MATN2: variants seen among roughly 807,000 people sequenced by gnomAD.
MATN2 encodes matrilin-2.
MATN2 carries 69 observed loss-of-function variants against 103.2 expected under a neutral mutation model. The ratio of observed to expected loss-of-function variants is 0.67; its 90% CI spans 0.55 to 0.82. The LOEUF (loss-of-function observed/expected upper bound fraction) is 0.82, where lower values mean the gene tolerates loss of function less well. MATN2 is among the 40% of genes least tolerant of loss of function. The pLI, the probability that MATN2 is intolerant of heterozygous loss-of-function variation, is 0.00. For synonymous variants in MATN2, 429 were observed against 450.2 expected (o/e 0.95, Z 0.60); for missense variants, 1,023 against 1,211.5 (o/e 0.84, Z 2.31).
chr8:97,939,292 C>T (rs746221287), intron 3 of MATN2, among the ~76,000 whole-genome samples: 9 of 152,202 alleles, frequency 5.9e-5, no homozygotes, highest in Non-Finnish European at 1.2e-4. Flanking sequence ...AGGCACATCG[C>T]AGCCTTTCTG....
chr8:98,033,206 T>C lies in MATN2; in HGVS notation c.2716+30T>C, dbSNP rs769536348. 5.1e-6 allele frequency: 8 copies of C among 1,562,438 alleles called. No homozygotes were observed. In the Admixed American group the frequency reaches 7.8e-5, roughly 15 times the overall value. ...TTCCAAGTAAAATATTACTATAAGA[T>C]AACTTGATCTCAGCCTTTCGGCTTG... On this transcript the variant is annotated intron_variant, in intron 17 of 18. Coordinates refer to ENST00000254898, the MANE Select transcript of MATN2 (RefSeq NM_002380.5).
intron 2 of MATN2, among the ~76,000 whole-genome samples, chr8:97,895,018 G>T (rs978185404): frequency 6.6e-6 from 1 of 151,966 alleles, no homozygotes; most frequent in Non-Finnish European, 1.5e-5. Context: ...GATTGCAGGC[G>T]CCCGCCACCA....
rs765855052 is a variant in MATN2, at chr8:97,978,872, T to C, written c.959-14T>C. On this transcript the variant is annotated splice_polypyrimidine_tract_variant and intron_variant, in intron 5 of 18. Coordinates refer to ENST00000254898, the MANE Select transcript of MATN2 (RefSeq NM_002380.5). ...TTTGCATTTCTAATTCTGAATGTGT[T>C]TTATTCTCTCCAGCTGTGGACTACT... 5.1e-5 allele frequency: 83 copies of C among 1,613,718 alleles called. No individual in the cohort carries two copies. Among genetic ancestry groups the C allele is most frequent in the Non-Finnish European group, 4.2e-6 (5 of 1,179,760 alleles).
intron 12 of MATN2, among the ~76,000 whole-genome samples, chr8:98,019,645 T>C (rs942952184): frequency 5.9e-5 from 9 of 152,316 alleles, no homozygotes; most frequent in Middle Eastern, 3.4e-3. Flanking sequence ...AGGGATGTCA[T>C]ACGAGCTCAG....
At chr8:97,919,428 C>T (rs768858851) in intron 2 of MATN2, among the ~76,000 whole-genome samples, 116 of 152,272 alleles carry the variant, frequency 7.6e-4, no homozygotes, top group Middle Eastern at 6.8e-3. Context: ...GGCAGGGTTT[C>T]ACTATGTTGG....
intron 10 of MATN2, among the ~76,000 whole-genome samples, chr8:98,015,032 C>T (rs1813311856): frequency 6.6e-6 from 1 of 152,210 alleles, no homozygotes; most frequent in African/African-American, 2.4e-5. Flanking sequence ...CTGGTTTTCA[C>T]AGGTTCACAA....
chr8:98,008,694 G>T (rs72678728), intron 10 of MATN2, among the ~76,000 whole-genome samples: 1 of 152,130 alleles, frequency 6.6e-6, no homozygotes, highest in Admixed American at 6.5e-5. Context: ...GGCACAGGGG[G>T]TGCAGAAAGA....
chr8:97,919,451 C>T (rs183637036), intron 2 of MATN2, among the ~76,000 whole-genome samples: 122 of 152,216 alleles, frequency 8.0e-4, no homozygotes, highest in Admixed American at 2.1e-3. Flanking sequence ...AGGCTGGTCT[C>T]GAACTCTTGA....
intron 10 of MATN2, among the ~76,000 whole-genome samples, chr8:98,015,873 A>G (rs545172291): frequency 8.5e-5 from 13 of 152,296 alleles, no homozygotes; most frequent in African/African-American, 3.1e-4. Context: ...GACTCACAAA[A>G]TATTTGTGAA....
chr8:98,025,773 AT>A (rs1813773581), intron 13 of MATN2: 1 of 442,160 alleles, frequency 2.3e-6, no homozygotes, highest in African/African-American at 2.0e-5. Context: ...GAGATAATCC[AT>A]TTTGGATCTG....
At chr8:97,990,666 A>G (rs972047675) in intron 6 of MATN2, among the ~76,000 whole-genome samples, 1 of 152,270 alleles carries the variant, frequency 6.6e-6, no homozygotes, top group African/African-American at 2.4e-5. Context: ...TGACACACAT[A>G]TGAATCTGGA....
intron 15 of MATN2, among the ~76,000 whole-genome samples, chr8:98,030,851 TGA>T (rs2130454348): frequency 6.6e-6 from 1 of 152,058 alleles, no homozygotes; most frequent in African/African-American, 2.4e-5. Context: ...TTAGTAGAGA[TGA>T]GGTTTCACCA....
chr8:98,019,706 A>G (rs547311075), intron 12 of MATN2, among the ~76,000 whole-genome samples: 5 of 152,264 alleles, frequency 3.3e-5, no homozygotes, highest in African/African-American at 1.2e-4. Flanking sequence ...CCACCATGAG[A>G]TTCTGAGCTG....
intron 2 of MATN2, among the ~76,000 whole-genome samples, chr8:97,889,457 G>GTGTATATATATATATATATATA (rs1164752239): frequency 6.4e-5 from 1 of 15,680 alleles, no homozygotes; most frequent in African/African-American, 2.2e-4. Flanking sequence ...CTCTCTCTCT[G>GTGTATATATATATATATATATA]TCTATATATA....
intron 7 of MATN2, 150 bp from the exon 8 acceptor site, chr8:98,003,511 G>A: frequency 1.3e-6 from 1 of 772,490 alleles, no homozygotes; most frequent in Non-Finnish European, 2.1e-6. Context: ...TTGGCTGGCA[G>A]ACAAACGAAT....
intron 4 of MATN2, among the ~76,000 whole-genome samples, chr8:97,949,733 C>T (rs775716299): frequency 1.3e-5 from 2 of 152,058 alleles, no homozygotes; most frequent in African/African-American, 2.4e-5. Flanking sequence ...TTGTAATAGC[C>T]CCAAACTGAA....
chr8:98,024,283 T>C lies in MATN2; in HGVS notation c.1942+2956T>C, dbSNP rs1482032492. On this transcript the variant is annotated intron_variant, in intron 13 of 18. Coordinates refer to ENST00000254898, the MANE Select transcript of MATN2 (RefSeq NM_002380.5). Reference sequence around the variant, plus strand: ...ACCTTGAGAGGCCGAAGCGGGCGGATCACCTGAGGTCAGGAGTTCAAGACC... The same window carrying C: ...ACCTTGAGAGGCCGAAGCGGGCGGACCACCTGAGGTCAGGAGTTCAAGACC... Among the ~76,000 whole-genome samples the C allele has an allele frequency of 7.9e-5, 12 of 152,154 alleles. 1 individual carries two copies.
intron 6 of MATN2, among the ~76,000 whole-genome samples, chr8:97,984,669 G>A (rs1464730557): frequency 6.6e-6 from 1 of 152,174 alleles, no homozygotes; most frequent in Admixed American, 6.5e-5. Flanking sequence ...CAATGTGTAT[G>A]TATCTAAACT....
chr8:98,026,527 G>T (rs1003596514), intron 13 of MATN2, among the ~76,000 whole-genome samples: 13 of 152,122 alleles, frequency 8.5e-5, no homozygotes, highest in African/African-American at 2.7e-4. Flanking sequence ...ATGCACTGGG[G>T]ATTATAGGCG....
Sources: gnomAD v4.1 joint callset for allele counts (sites outside exome capture counted in the v4.1 genomes callset) on GRCh38, gnomAD v4.1.1 for gene constraint, MANE v1.5 for transcripts, NCBI Gene and HGNC (gene_info 2026-07-23, HGNC 2026-07-21) for gene names.